HS3ST4: variants seen among roughly 807,000 people sequenced by gnomAD.
HS3ST4 encodes the protein heparan sulfate glucosamine 3-O-sulfotransferase 4.
Under a neutral mutation model 29.2 loss-of-function variants are expected in HS3ST4, and 17 were observed. The ratio of observed to expected loss-of-function variants is 0.58; its 90% CI spans 0.40 to 0.87. The LOEUF (loss-of-function observed/expected upper bound fraction) is 0.87, where lower values mean the gene tolerates loss of function less well. Ranked by LOEUF, HS3ST4 falls within the 40% of genes least tolerant of loss-of-function variation. The probability of loss-of-function intolerance (pLI) is 0.00; values close to 1 mark genes in which losing one functional copy is unlikely to be tolerated. For synonymous variants in HS3ST4, 314 were observed against 285.7 expected, an observed-to-expected ratio of 1.10 and a Z score of -1.00; for missense variants, 627 against 634.5, an observed-to-expected ratio of 0.99 and a Z score of 0.13.
chr16:25,835,526 G>A (rs1967348019), intron 1 of HS3ST4, among the ~76,000 whole-genome samples: 1 of 152,010 alleles, frequency 6.6e-6, no homozygotes, highest in African/African-American at 2.4e-5. Flanking sequence ...CGTTGATTGA[G>A]CATTGTACCT....
chr16:25,697,981 C>T (rs1006310854), intron 1 of HS3ST4, among the ~76,000 whole-genome samples: 1 of 151,958 alleles, frequency 6.6e-6, no homozygotes, highest in Admixed American at 6.5e-5. Flanking sequence ...CAGGAGTCCA[C>T]ATTTCTACAA....
chr16:26,081,764 C>T (rs11074744), intron 1 of HS3ST4, among the ~76,000 whole-genome samples: 64,428 of 146,018 alleles, frequency 0.44, 14,751 homozygotes, highest in Middle Eastern at 0.57. Context: ...AGGTAGACCC[C>T]ATGTACTTCA....
chr16:26,102,957 C>T (rs1899005943), intron 1 of HS3ST4, among the ~76,000 whole-genome samples: 2 of 152,178 alleles, frequency 1.3e-5, no homozygotes, highest in South Asian at 2.1e-4. Context: ...TGGGTGTAAA[C>T]AACCACTGTG....
At chr16:25,905,024 A>G (rs1263219637) in intron 1 of HS3ST4, among the ~76,000 whole-genome samples, 1 of 152,102 alleles carries the variant, frequency 6.6e-6, no homozygotes, top group Non-Finnish European at 1.5e-5. Flanking sequence ...TTAAGACCTC[A>G]CTGTCAGTTG....
intron 1 of HS3ST4, among the ~76,000 whole-genome samples, chr16:25,776,951 A>G (rs1485501540): frequency 2.0e-5 from 3 of 152,234 alleles, no homozygotes; most frequent in Non-Finnish European, 1.5e-5. Context: ...AACAAAATAT[A>G]ACAGAGATAT....
chr16:25,775,790 T>C (rs7190796), intron 1 of HS3ST4, among the ~76,000 whole-genome samples: 41,830 of 152,172 alleles, frequency 0.27, 5,941 homozygotes, highest in South Asian at 0.32. Context: ...TCCCTTTCCT[T>C]GATGCTCTTC....
chr16:25,742,610 A>G (rs1457353515), intron 1 of HS3ST4, among the ~76,000 whole-genome samples: 1 of 152,204 alleles, frequency 6.6e-6, no homozygotes, highest in Non-Finnish European at 1.5e-5. Context: ...GGGCAAGTGA[A>G]AGCAACAGAG....
chr16:25,715,988 CA>C (rs1966451575), intron 1 of HS3ST4, among the ~76,000 whole-genome samples: 1 of 151,818 alleles, frequency 6.6e-6, no homozygotes, highest in Non-Finnish European at 1.5e-5. Flanking sequence ...GGAAAGAGGT[CA>C]GGGGGATCCT....
At chr16:26,093,207 C>T (rs935482770) in intron 1 of HS3ST4, among the ~76,000 whole-genome samples, 2 of 152,202 alleles carry the variant, frequency 1.3e-5, no homozygotes, top group African/African-American at 4.8e-5. Context: ...ATTTAAGTGT[C>T]CCTGTCTGAC....
At chr16:26,082,770 C>T (rs183027302) in intron 1 of HS3ST4, among the ~76,000 whole-genome samples, 29 of 152,266 alleles carry the variant, frequency 1.9e-4, no homozygotes, top group Admixed American at 5.9e-4. Context: ...ACAGAGCATC[C>T]GTCATCCTGG....
chr16:25,750,107 C>T (rs1966709522), intron 1 of HS3ST4, among the ~76,000 whole-genome samples: 1 of 152,144 alleles, frequency 6.6e-6, no homozygotes, highest in Non-Finnish European at 1.5e-5. Flanking sequence ...CTACTGAAAT[C>T]CTCTGGAGTC....
At chr16:25,707,904 G>A (rs1041720874) in intron 1 of HS3ST4, among the ~76,000 whole-genome samples, 4 of 152,040 alleles carry the variant, frequency 2.6e-5, no homozygotes, top group African/African-American at 9.7e-5. Flanking sequence ...GCTTTTTCTT[G>A]TACCACCTGG....
intron 1 of HS3ST4, among the ~76,000 whole-genome samples, chr16:25,753,528 C>T (rs1425838108): frequency 6.6e-6 from 1 of 151,538 alleles, no homozygotes; most frequent in East Asian, 1.9e-4. Context: ...TCCTGAGAAG[C>T]TCTTTACGCA....
intron 1 of HS3ST4, among the ~76,000 whole-genome samples, chr16:26,071,363 G>A (rs1185689761): frequency 2.0e-5 from 3 of 152,152 alleles, no homozygotes; most frequent in Non-Finnish European, 4.4e-5. Context: ...TTTTAGGACT[G>A]AAGAAGGAGG....
chr16:25,958,638 C>T (rs539788647), intron 1 of HS3ST4, among the ~76,000 whole-genome samples: 46 of 152,252 alleles, frequency 3.0e-4, no homozygotes, highest in African/African-American at 1.0e-3. Context: ...GCCAGAAAGG[C>T]TTTTCTTTGT....
intron 1 of HS3ST4, among the ~76,000 whole-genome samples, chr16:25,776,670 A>G (rs962094575): frequency 2.0e-5 from 3 of 152,202 alleles, no homozygotes; most frequent in Admixed American, 2.0e-4. Context: ...TACCGGAGAA[A>G]AAATGATCAG....
chr16:26,010,453 C>CA (rs150759693), intron 1 of HS3ST4, among the ~76,000 whole-genome samples: 4,414 of 140,552 alleles, frequency 0.031, 228 homozygotes, highest in African/African-American at 0.1. Context: ...GACTCCATCT[C>CA]AAAAAAAGAA....
At chr16:25,901,260 G>A (rs1363975773) in intron 1 of HS3ST4, among the ~76,000 whole-genome samples, 2 of 152,188 alleles carry the variant, frequency 1.3e-5, no homozygotes, top group South Asian at 2.1e-4. Context: ...ATGTAAAAAT[G>A]TCTGAGAATG....
At chr16:25,743,428 G>A (rs1467839657) in intron 1 of HS3ST4, among the ~76,000 whole-genome samples, 1 of 152,184 alleles carries the variant, frequency 6.6e-6, no homozygotes, top group Non-Finnish European at 1.5e-5. Context: ...AACAAGTTGA[G>A]GTGTAAGTCA....
Sources: gnomAD v4.1 joint callset for allele counts (sites outside exome capture counted in the v4.1 genomes callset) on GRCh38, gnomAD v4.1.1 for gene constraint, MANE v1.5 for transcripts, NCBI Gene and HGNC (gene_info 2026-07-23, HGNC 2026-07-21) for gene names.